SPHK2: variants seen among roughly 807,000 people sequenced by gnomAD.
The protein encoded by SPHK2 is sphingosine kinase 2.
Under a neutral mutation model 32.3 loss-of-function variants are expected in SPHK2, and 18 were observed. The ratio of observed to expected loss-of-function variants is 0.56; its 90% CI spans 0.39 to 0.83. The LOEUF is 0.83. Among genes scored for constraint, SPHK2 ranks in the 40% least tolerant of loss-of-function variants. The pLI is 0.00. For synonymous variants in SPHK2, 462 were observed against 417.6 expected, an observed-to-expected ratio of 1.11 and a Z score of -1.30; for missense variants, 850 against 908.7, an observed-to-expected ratio of 0.94 and a Z score of 0.83.
chr19:48,629,838 AG>A lies in SPHK2; in HGVS notation c.*70del. The A allele has an allele frequency of 6.7e-7, 1 of 1,498,752 alleles. No individual in the cohort carries two copies. The highest frequency in any genetic ancestry group is 8.9e-7 in the Non-Finnish European group (1 of 1,124,130). The allele number at this position is 1,498,752 out of a possible 1,614,324, so 92.8% of individuals were successfully genotyped here. Reference sequence around the variant, plus strand: ...ATTCCAATGGGGCGGAGCCTGAGCTAGGGGGTGTGGCCTGGCTGCTAGAGTT... The same window carrying A: ...ATTCCAATGGGGCGGAGCCTGAGCTAGGGGTGTGGCCTGGCTGCTAGAGTT... On this transcript the variant is annotated 3_prime_UTR_variant, in exon 7 of 7. Coordinates refer to ENST00000245222, the MANE Select transcript of SPHK2 (RefSeq NM_020126.5).
Position 48,626,100 on chromosome 19 carries a change from T to G in SPHK2, c.249T>G (p.Pro83=), listed in dbSNP as rs151257086. ...ACATACAGCGGCTGCGCCCCAAACC[T>G]GAAGCCAGGCCCCGGGGTGGCCTGG... is the stretch of plus-strand genomic sequence containing the variant. ...ALHIQRLRPK[P]EARPRGGLVP... Residue 83 remains proline (P), a synonymous_variant, in exon 3 of 7, where the codon CCT becomes CCG. Coordinates refer to ENST00000245222, the MANE Select transcript of SPHK2 (RefSeq NM_020126.5). 4.2e-3 allele frequency: 6,805 copies of G among 1,611,390 alleles called. 34 individuals are homozygous for G. Among genetic ancestry groups the G allele is most frequent in the Non-Finnish European group, 4.4e-3 (5,208 of 1,178,794 alleles).
At chr19:48,627,600 C>T (rs2030027142) in intron 3 of SPHK2, 92 bp from the exon 4 acceptor site, 2 of 1,456,756 alleles carry the variant, frequency 1.4e-6, no homozygotes, top group Non-Finnish European at 1.8e-6. Context: ...GGCCAGCCCT[C>T]CACCAATTCC....
rs1404098423 is a variant in SPHK2, at chr19:48,629,625, G to T, written c.1817G>T (p.Arg606Leu). ...GCPQLGYAAARAFRLEPLTPR... is the reference protein window; with the variant it reads ...GCPQLGYAAALAFRLEPLTPR... ...CCGCAGCTGGGCTACGCCGCGGCCC[G>T]TGCCTTCCGCCTAGAGCCGCTCACA... Residue 606 changes from arginine (R) to leucine (L), a missense_variant, in exon 7 of 7, where the codon CGT (arginine) becomes CTT (leucine). By Grantham distance (102) the Arg-to-Leu change is moderately radical. Transcript: ENST00000245222. 11 of 1,599,502 alleles carry T rather than the reference G, an allele frequency of 6.9e-6. No individual in the cohort carries two copies. The highest frequency in any genetic ancestry group is 8.5e-6 in the Non-Finnish European group (10 of 1,173,732).
intron 2 of SPHK2, among the ~76,000 whole-genome samples, chr19:48,622,015 G>T (rs1387647569): frequency 6.6e-6 from 1 of 152,016 alleles, no homozygotes; most frequent in Non-Finnish European, 1.5e-5. Context: ...CAGCACTTTG[G>T]GAGGCCGAGA....
intron 1 of SPHK2, 99 bp downstream of exon 1, chr19:48,619,642 G>C (rs1271900979): frequency 1.1e-5 from 2 of 177,886 alleles, no homozygotes; most frequent in Non-Finnish European, 2.4e-5. Flanking sequence ...CCCTGATCTC[G>C]CGCTGCACTT....
chr19:48,626,753 G>T (rs1394922318), intron 3 of SPHK2: 1 of 152,126 alleles, frequency 6.6e-6, no homozygotes, highest in Non-Finnish European at 1.4e-5. Context: ...GGCAGAGGTT[G>T]CAGTGAGCTG....
Position 48,627,779 on chromosome 19 carries a change from G to GT in SPHK2, c.600dup (p.Lys201Ter). The GT allele has an allele frequency of 6.2e-7, 1 of 1,613,954 alleles. No individual in the cohort carries two copies. ...GGTCGGGGCCTGGCCTGGCAGTGGTGTAAGAACCACGTGCTTCCCATGATC... is the reference window on the plus strand; with the variant it reads ...GGTCGGGGCCTGGCCTGGCAGTGGTGTTAAGAACCACGTGCTTCCCATGATC... On this transcript the variant is annotated frameshift_variant, in exon 4 of 7. Coordinates refer to ENST00000245222, the MANE Select transcript of SPHK2 (RefSeq NM_020126.5). LOFTEE classifies it high-confidence loss of function.
Position 48,626,274 on chromosome 19 carries a change from C to T in SPHK2, c.423C>T (p.Ala141=), listed in dbSNP as rs1974618937. 6.3e-7 allele frequency: 1 copy of T among 1,594,620 alleles called. No individual in the cohort carries two copies. The highest frequency in any genetic ancestry group is 8.5e-7 in the Non-Finnish European group (1 of 1,177,664). ...ATRTFRADGA[A]TYEENRAEAQ... is the part of the protein sequence containing the mutation. ...GCACCTTCCGGGCAGATGGGGCCGC[C>T]ACCTACGAAGAGAACCGTGCCGAGG... The change falls in exon 3 of 7, where the codon GCC becomes GCT. Residue 141 remains alanine (A), a synonymous_variant. Coordinates refer to ENST00000245222, the MANE Select transcript of SPHK2 (RefSeq NM_020126.5).
chr19:48,628,713 T>A lies in SPHK2; in HGVS notation c.905T>A (p.Leu302His). 1.2e-6 allele frequency: 2 copies of A among 1,612,766 alleles called. No homozygotes were observed. The highest frequency in any genetic ancestry group is 1.7e-6 in the Non-Finnish European group (2 of 1,180,014). Residue 302 changes from leucine to histidine, a missense_variant, in exon 7 of 7, where the codon CTC becomes CAC. Transcript: ENST00000245222. The surrounding 1 kb of genome is among the most constrained non-coding windows in gnomAD (Gnocchi z 5.2). ...FEPALGLDLL[L>H]NCSLLLCRGG... Reference sequence around the variant, plus strand: ...CCAGCCCTGGGCCTCGACCTGTTGCTCAACTGCTCACTGTTGCTGTGCCGG... The same window carrying A: ...CCAGCCCTGGGCCTCGACCTGTTGCACAACTGCTCACTGTTGCTGTGCCGG...
chr19:48,626,527 CAAG>C, intron 3 of SPHK2, 165 bp downstream of exon 3: 1 of 937,102 alleles, frequency 1.1e-6, no homozygotes, highest in Non-Finnish European at 1.5e-6. Flanking sequence ...AACAAAAAGA[CAAG>C]AGGACCGGAT....
In SPHK2 at chr19:48,628,044, T is replaced by C. The variant is rs1302774765; in HGVS notation, c.731T>C (p.Val244Ala). The change falls in exon 5 of 7, where the codon GTC becomes GCC. Residue 244 changes from valine to alanine, a missense_variant. Coordinates refer to ENST00000245222, the MANE Select transcript of SPHK2 (RefSeq NM_020126.5). The surrounding 1 kb of genome is among the most constrained non-coding windows in gnomAD (Gnocchi z 5.2). ...AGTGAGTGGGATGGCATCGTCACGG[T>C]CTCGGGAGACGGGCTGCTCCATGAG... ...SLSEWDGIVT[V>A]SGDGLLHEVL... 6.3e-7 allele frequency: 1 copy of C among 1,594,974 alleles called. No individual in the cohort carries two copies. Among genetic ancestry groups the C allele is most frequent in the Admixed American group, 1.7e-5 (1 of 58,486 alleles).
In SPHK2 at chr19:48,629,213, C is replaced by G. The variant is rs2030321189; in HGVS notation, c.1405C>G (p.Pro469Ala). 1 of 1,613,518 alleles carries G rather than the reference C, an allele frequency of 6.2e-7. No homozygotes were observed. The highest frequency in any genetic ancestry group is 1.1e-5 in the South Asian group (1 of 91,096). ...GAGDAPLSPDPLLSSPPGSPK... is the reference protein window; with the variant it reads ...GAGDAPLSPDALLSSPPGSPK... The stretch of plus-strand genomic sequence containing the variant: ...TGGGGATGCTCCGCTGTCCCCGGAC[C>G]CACTGCTGTCTTCACCTCCTGGCTC... The change falls in exon 7 of 7, where the codon CCA becomes GCA. Residue 469 changes from proline to alanine, a missense_variant. Transcript: ENST00000245222.
At position 48,629,082 on chromosome 19, in the gene SPHK2, T is replaced by G. The variant is rs774277278; in HGVS notation, c.1274T>G (p.Leu425Arg). 6.2e-7 allele frequency: 1 copy of G among 1,613,262 alleles called. No individual in the cohort carries two copies. The highest frequency in any genetic ancestry group is 1.3e-5 in the African/African-American group (1 of 74,890). The change falls in exon 7 of 7, where the codon CTT (leucine) becomes CGT (arginine). Residue 425 changes from leucine (L) to arginine (R), a missense_variant. By Grantham distance (102) the Leu-to-Arg change is moderately radical (BLOSUM62 -2). Coordinates refer to ENST00000245222, the MANE Select transcript of SPHK2 (RefSeq NM_020126.5). ...PLHRSVSDLP[L>R]PLPQPALASP... ...CATCGTTCTGTGTCTGACCTGCCTC[T>G]TCCCCTGCCCCAGCCTGCCCTGGCC...
Position 48,626,219 on chromosome 19 carries a change from G to A in SPHK2, c.368G>A (p.Gly123Asp). 6.3e-7 allele frequency: 1 copy of A among 1,594,942 alleles called. No homozygotes were observed. ...AYFCIYTYPR[G>D]RRGARRRATR... The stretch of plus-strand genomic sequence containing the variant: ...TTCTGCATCTACACCTACCCTCGGG[G>A]CCGGCGCGGGGCCCGGCGCAGAGCC... The change falls in exon 3 of 7, where the codon GGC becomes GAC. Residue 123 changes from glycine to aspartate, a missense_variant. Coordinates refer to ENST00000245222, the MANE Select transcript of SPHK2 (RefSeq NM_020126.5).
chr19:48,625,139 T>G (rs544747821), intron 2 of SPHK2: 1 of 996,506 alleles, frequency 1.0e-6, no homozygotes, highest in African/African-American at 1.7e-5. Flanking sequence ...GTGGCTCCTC[T>G]CGGACCCCGT....
At position 48,629,551 on chromosome 19, in the gene SPHK2, G is replaced by A; in HGVS notation, c.1743G>A (p.Leu581=). The A allele has an allele frequency of 1.2e-6, 2 of 1,603,290 alleles. No homozygotes were observed. The highest frequency in any genetic ancestry group is 1.7e-6 in the Non-Finnish European group (2 of 1,175,852). ...GCGGCATCTCGCGGGCTGCGCTGCTGCGCCTTTTCTTGGCCATGGAGCGTG... is the reference window on the plus strand; with the variant it reads ...GCGGCATCTCGCGGGCTGCGCTGCTACGCCTTTTCTTGGCCATGGAGCGTG... The part of the protein sequence containing the change: ...VRSGISRAAL[L]RLFLAMERGS... The change falls in exon 7 of 7, where the codon CTG becomes CTA. Residue 581 remains leucine (L), a synonymous_variant. Coordinates refer to ENST00000245222, the MANE Select transcript of SPHK2 (RefSeq NM_020126.5).
chr19:48,626,043 C>A lies in SPHK2; in HGVS notation c.192C>A (p.Arg64=). 6.2e-7 allele frequency: 1 copy of A among 1,613,514 alleles called. No individual in the cohort carries two copies. Among genetic ancestry groups the A allele is most frequent in the Non-Finnish European group, 8.5e-7 (1 of 1,179,906 alleles). The change falls in exon 3 of 7, where the codon CGC becomes CGA. Residue 64 remains arginine, a synonymous_variant. Coordinates refer to ENST00000245222, the MANE Select transcript of SPHK2 (RefSeq NM_020126.5). ...EFGSYPARGP[R]FALTLTSQAL... is the part of the protein sequence containing the mutation. ...GCTCCTACCCAGCCCGAGGCCCACG[C>A]TTTGCCCTCACCCTTACATCGCAGG...
At chr19:48,620,944 G>C in intron 2 of SPHK2, 1 of 173,484 alleles carries the variant, frequency 5.8e-6, no homozygotes, top group South Asian at 1.1e-4. Flanking sequence ...AAAAAACAGG[G>C]TCTCACTCTT....
Position 48,629,196 on chromosome 19 carries a change from C to G in SPHK2, c.1388C>G (p.Ala463Gly). ...LAGDWGGAGD[A>G]PLSPDPLLSS... ...GGGGACTGGGGTGGGGCTGGGGATG[C>G]TCCGCTGTCCCCGGACCCACTGCTG... Residue 463 changes from alanine to glycine, a missense_variant, in exon 7 of 7, where the codon GCT becomes GGT. This residue lies in a region of SPHK2 where 306 missense variants were observed against 268.6 expected (regional missense o/e 1.14). Coordinates refer to ENST00000245222, the MANE Select transcript of SPHK2 (RefSeq NM_020126.5). 1 of 1,613,482 alleles carries G rather than the reference C, an allele frequency of 6.2e-7. No individual in the cohort carries two copies. Among genetic ancestry groups the G allele is most frequent in the Non-Finnish European group, 8.5e-7 (1 of 1,179,962 alleles).
Sources: gnomAD v4.1 joint callset for allele counts (sites outside exome capture counted in the v4.1 genomes callset) on GRCh38, gnomAD v4.1.1 for gene constraint, gnomAD v4.1.1 regional missense constraint, Gnocchi (gnomAD v3.1) non-coding constraint, MANE v1.5 for transcripts, NCBI Gene and HGNC (gene_info 2026-07-23, HGNC 2026-07-21) for gene names.